Variants in DIS3L2 observed in about 807,000 individuals in gnomAD.
DIS3L2 encodes the protein DIS3 like 3'-5' exoribonuclease 2.
DIS3L2 carries 34 observed loss-of-function variants against 97.5 expected under a neutral mutation model. That is an observed-to-expected ratio of 0.35 (90% CI 0.27 to 0.46). The LOEUF is 0.46. Among genes scored for constraint, DIS3L2 ranks in the 20% least tolerant of loss-of-function variants. The probability of loss-of-function intolerance (pLI) is 1.00; values close to 1 mark genes in which losing one functional copy is unlikely to be tolerated. For missense variants in DIS3L2, 1,038 were observed against 1,146.0 expected (o/e 0.91, Z 1.36); for synonymous variants, 435 against 445.2 (o/e 0.98, Z 0.29).
chr2:232,122,202 T>C (rs1021375569), intron 6 of DIS3L2, among the ~76,000 whole-genome samples: 6 of 152,214 alleles, frequency 3.9e-5, no homozygotes, highest in African/African-American at 1.4e-4. Context: ...CAGAAAAATA[T>C]CAGCAATTTA....
chr2:232,225,480 C>T (rs894066477), intron 10 of DIS3L2, among the ~76,000 whole-genome samples: 1 of 151,928 alleles, frequency 6.6e-6, no homozygotes, highest in Non-Finnish European at 1.5e-5. Context: ...TAGATATATA[C>T]CATATGAATC....
Position 232,334,451 on chromosome 2 carries a change from G to T in DIS3L2, c.2241G>T (p.Lys747Asn). ...GTAACGACCGCCGCATGGCGTCCAA[G>T]CGCGTGCAGGAGCTCAGTACCAGTC... The part of the protein sequence containing the change: ...DHCNDRRMAS[K>N]RVQELSTSLF... The change falls in exon 18 of 21, where the codon AAG becomes AAT. Residue 747 changes from lysine to asparagine, a missense_variant. Lys to Asn is a moderately conservative substitution (Grantham distance 94, BLOSUM62 0). Around this residue, in one of 3 missense-constraint regions of DIS3L2, gnomAD observed 221 missense variants for 246.9 expected, o/e 0.90. Transcript: ENST00000325385. 1.2e-6 allele frequency: 2 copies of T among 1,613,946 alleles called. No homozygotes were observed. Among genetic ancestry groups the T allele is most frequent in the Non-Finnish European group, 1.7e-6 (2 of 1,180,030 alleles).
In DIS3L2 at chr2:232,308,988, G is replaced by A. The variant is rs148168282; in HGVS notation, c.1739+8869G>A. On this transcript the variant is annotated intron_variant, in intron 14 of 20. Transcript: ENST00000325385. The stretch of plus-strand genomic sequence containing the variant: ...AATGTACGAGAGGTGTTGGGGGAAG[G>A]CCTGTGAAGGATGAGGGGAGGGAAC... 3.3e-5 allele frequency among the ~76,000 whole-genome samples: 5 copies of A among 152,278 alleles called. No homozygotes were observed. The East Asian group carries it at 9.7e-4, about 29-fold the overall frequency.
chr2:232,217,966 C>T (rs1438331299), intron 10 of DIS3L2, among the ~76,000 whole-genome samples: 1 of 152,228 alleles, frequency 6.6e-6, no homozygotes, highest in Non-Finnish European at 1.5e-5. Context: ...TGTGCAGATG[C>T]TTCTTGGCCT....
intron 5 of DIS3L2, among the ~76,000 whole-genome samples, chr2:232,042,539 TATATCCACTAAC>T (rs1695138480): frequency 6.6e-6 from 1 of 152,144 alleles, no homozygotes; most frequent in African/African-American, 2.4e-5. Flanking sequence ...GTAGGTAAGG[TATATCCACTAAC>T]ATGATCAGAT....
intron 16 of DIS3L2, among the ~76,000 whole-genome samples, chr2:232,333,121 T>TCCA (rs1360047693): frequency 6.6e-6 from 1 of 150,404 alleles, no homozygotes; most frequent in Non-Finnish European, 1.5e-5. Flanking sequence ...ATTGTCCTCC[T>TCCA]CGACCACCAC....
At chr2:232,073,688 G>C (rs1327288972) in intron 5 of DIS3L2, among the ~76,000 whole-genome samples, 1 of 152,138 alleles carries the variant, frequency 6.6e-6, no homozygotes, top group Non-Finnish European at 1.5e-5. Flanking sequence ...AGGTTACCTG[G>C]CACTTTTATT....
chr2:232,208,833 G>C (rs1400517395), intron 9 of DIS3L2, among the ~76,000 whole-genome samples: 1 of 152,018 alleles, frequency 6.6e-6, no homozygotes, highest in Non-Finnish European at 1.5e-5. Context: ...TTTGAGATCA[G>C]CCTGGGGAAC....
intron 1 of DIS3L2, among the ~76,000 whole-genome samples, chr2:231,966,759 A>G (rs1692732770): frequency 7.6e-6 from 1 of 130,946 alleles, no homozygotes; most frequent in African/African-American, 2.9e-5. Flanking sequence ...CCTCTCAAAT[A>G]TTGGAGTTAC....
At chr2:232,307,295 A>G (rs1695011189) in intron 14 of DIS3L2, among the ~76,000 whole-genome samples, 1 of 152,218 alleles carries the variant, frequency 6.6e-6, no homozygotes, top group Non-Finnish European at 1.5e-5. Flanking sequence ...TCCTTTAGGA[A>G]GGGAGGGAGC....
intron 3 of DIS3L2, 110 bp downstream of exon 3, chr2:232,015,781 C>T (rs1193230033): frequency 3.1e-6 from 4 of 1,291,292 alleles, no homozygotes; most frequent in Non-Finnish European, 4.3e-6. Flanking sequence ...GATGATGTAA[C>T]AGGTGCAGGG....
chr2:232,145,942 G>A (rs1057085445), intron 8 of DIS3L2, among the ~76,000 whole-genome samples: 52 of 152,118 alleles, frequency 3.4e-4, no homozygotes, highest in African/African-American at 1.1e-3. Context: ...CATACCTAAA[G>A]CACCATGACA....
chr2:232,168,009 C>T (rs113053213), intron 9 of DIS3L2, among the ~76,000 whole-genome samples: 1,780 of 152,174 alleles, frequency 0.012, 36 homozygotes, highest in African/African-American at 0.04. Context: ...GATTGTGCCA[C>T]TGAACTCCAG....
intron 9 of DIS3L2, among the ~76,000 whole-genome samples, chr2:232,189,842 T>G (rs1169736425): frequency 6.6e-6 from 1 of 152,240 alleles, no homozygotes; most frequent in Non-Finnish European, 1.5e-5. Context: ...ACACAACATC[T>G]TTATTATTTC....
chr2:232,181,453 A>G (rs1483642295), intron 9 of DIS3L2, among the ~76,000 whole-genome samples: 5 of 152,158 alleles, frequency 3.3e-5, no homozygotes, highest in East Asian at 3.9e-4. Flanking sequence ...AGTGACACCA[A>G]TGAGACGTAG....
rs75978576 is a variant in DIS3L2, at chr2:232,005,516, A to G, written c.-93-9319A>G. Among the ~76,000 whole-genome samples the G allele has an allele frequency of 3.4e-3, 522 of 152,050 alleles. 1 individual carries two copies. Among genetic ancestry groups the G allele is most frequent in the African/African-American group, 0.012 (493 of 41,468 alleles). Reference sequence around the variant, plus strand: ...AGATTTAGCTGCCTGCATTGCACCAACCCTGTGATGGTGGCCTGCCCTTGG... The same window carrying G: ...AGATTTAGCTGCCTGCATTGCACCAGCCCTGTGATGGTGGCCTGCCCTTGG... On this transcript the variant is annotated intron_variant, in intron 1 of 20. Coordinates refer to ENST00000325385, the MANE Select transcript of DIS3L2 (RefSeq NM_152383.5).
chr2:232,238,381 T>G, intron 10 of DIS3L2, 152 bp from the exon 11 acceptor site: 1 of 578,200 alleles, frequency 1.7e-6, no homozygotes, highest in South Asian at 2.4e-5. Context: ...CAGAGGGAGG[T>G]GGCCAAGGAA....
At chr2:232,241,067 A>G (rs1027809502) in intron 11 of DIS3L2, among the ~76,000 whole-genome samples, 1 of 152,222 alleles carries the variant, frequency 6.6e-6, no homozygotes, top group Non-Finnish European at 1.5e-5. Context: ...CACTGCCTCC[A>G]GCTTGGCAGG....
In DIS3L2 at chr2:232,000,661, T is replaced by TC. The variant is rs1491212585; in HGVS notation, c.-93-14173dup. ...TCCTTTCCTTTCCTTTCCTTTCCTTTCTCTTTCTCTCTTTCTCTCTTTCTG... is the reference window on the plus strand; with the variant it reads ...TCCTTTCCTTTCCTTTCCTTTCCTTTCCTCTTTCTCTCTTTCTCTCTTTCTG... On this transcript the variant is annotated intron_variant, in intron 1 of 20. Transcript: ENST00000325385. 2.8e-3 allele frequency among the ~76,000 whole-genome samples: 398 copies of TC among 142,844 alleles called. 6 individuals are homozygous for TC. The highest frequency in any genetic ancestry group is 0.01 in the African/African-American group (372 of 36,864). The allele number at this position is 142,844 out of a possible 152,430, so 93.7% of individuals were successfully genotyped here. A position where few individuals can be genotyped will look rare whatever the true frequency, so the allele number is the denominator to read the frequency against.
Sources: allele counts gnomAD v4.1 joint callset (sites outside exome capture counted in the v4.1 genomes callset), GRCh38; gene constraint gnomAD v4.1.1; regional missense constraint gnomAD v4.1.1; transcripts MANE v1.5; gene names NCBI Gene and HGNC (gene_info 2026-07-23, HGNC 2026-07-21).